The following CD5 variants were observed in gnomAD, a reference collection of about 807,000 sequenced individuals.
The protein encoded by CD5 is CD5 molecule.
Under a neutral mutation model 60.3 loss-of-function variants are expected in CD5, and 36 were observed. The observed-to-expected ratio is 0.60, with a 90% CI of 0.46 to 0.79. CD5 has a LOEUF of 0.79. Ranked by LOEUF, CD5 falls within the 30% of genes least tolerant of loss-of-function variation. CD5 has a pLI of 0.00. For synonymous variants in CD5, 230 were observed against 257.6 expected, an observed-to-expected ratio of 0.89 and a Z score of 1.03; for missense variants, 540 against 630.6, an observed-to-expected ratio of 0.86 and a Z score of 1.54.
the CD5 span, among the ~76,000 whole-genome samples, chr11:61,096,399 G>C: frequency 6.6e-6 from 1 of 152,246 alleles, no homozygotes; most frequent in Non-Finnish European, 1.5e-5. Context: ...GGGCAAGGAC[G>C]TTAAGTTTTT....
chr11:61,120,123 A>G (rs1047911078), intron 5 of CD5, among the ~76,000 whole-genome samples: 4 of 152,100 alleles, frequency 2.6e-5, no homozygotes, highest in African/African-American at 9.7e-5. Flanking sequence ...TGACAAGGTA[A>G]AGAGAATGAT....
chr11:61,104,645 G>A (rs1860752557), intron 1 of CD5, among the ~76,000 whole-genome samples: 1 of 152,248 alleles, frequency 6.6e-6, no homozygotes, highest in Non-Finnish European at 1.5e-5. Flanking sequence ...TCAGTTCCCA[G>A]TGTCTGAGTG....
chr11:61,124,836 A>G lies in CD5; in HGVS notation c.1280-196A>G, dbSNP rs556868158. Among the ~76,000 whole-genome samples, 10 of 151,970 alleles carry G rather than the reference A, an allele frequency of 6.6e-5. No individual in the cohort carries two copies. In the South Asian group the frequency reaches 2.1e-3, roughly 32 times the overall value. ...GCTGGGTTACCCAAACCTGCTCTAA[A>G]AGTCTGCTGCTGATCCTGCTAGCAT... On this transcript the variant is annotated intron_variant, in intron 8 of 10. Coordinates refer to ENST00000347785, the MANE Select transcript of CD5 (RefSeq NM_014207.4).
chr11:61,118,326 G>A lies in CD5; in HGVS notation c.246G>A (p.Gln82=). Residue 82 remains glutamine, a synonymous_variant, in exon 3 of 11, where the codon CAG becomes CAA. Coordinates refer to ENST00000347785, the MANE Select transcript of CD5 (RefSeq NM_014207.4). The surrounding 1 kb of genome is among the most constrained non-coding windows in gnomAD (Gnocchi z 4.7). ...EDPSQASKVC[Q]RLNCGVPLSL... ...CCAGTCAAGCGTCAAAAGTCTGCCA[G>A]CGGCTGAACTGTGGGGTGCCCTTAA... 1 of 1,614,262 alleles carries A rather than the reference G, an allele frequency of 6.2e-7. No homozygotes were observed.
At chr11:61,111,919 C>T (rs746996652) in intron 1 of CD5, among the ~76,000 whole-genome samples, 8 of 152,250 alleles carry the variant, frequency 5.3e-5, no homozygotes, top group Non-Finnish European at 1.2e-4. Context: ...CTCTAGAAAG[C>T]TAGTCCCATG....
At position 61,118,591 on chromosome 11, in the gene CD5, G is replaced by A. The variant is rs925462898; in HGVS notation, c.400+111G>A. ...AGCAGGCTGGTGGAAGGGGTGGGGG[G>A]ACCCCAGTTTATAACCACTCCCCAA... On this transcript the variant is annotated intron_variant, in intron 3 of 10. Transcript: ENST00000347785. This position sits in a 1 kb window ranked among gnomAD's most constrained non-coding sequence, Gnocchi z 4.7. The A allele has an allele frequency of 4.4e-6, 5 of 1,141,942 alleles. No individual in the cohort carries two copies. The highest frequency in any genetic ancestry group is 1.4e-5 in the South Asian group (1 of 69,288). 70.7% of individuals were successfully genotyped at this position (1,141,942 alleles called of 1,614,324 possible). A position where few individuals can be genotyped will look rare whatever the true frequency, so the allele number is the denominator to read the frequency against.
intron 2 of CD5, among the ~76,000 whole-genome samples, chr11:61,116,402 A>C (rs1010967460): frequency 1.4e-5 from 2 of 146,986 alleles, no homozygotes; most frequent in African/African-American, 2.5e-5. Flanking sequence ...CACAGACCCC[A>C]CACACACACC....
At chr11:61,113,514 C>G (rs76800995) in intron 1 of CD5, among the ~76,000 whole-genome samples, 1 of 152,250 alleles carries the variant, frequency 6.6e-6, no homozygotes, top group African/African-American at 2.4e-5. Flanking sequence ...GCTGGCTACA[C>G]TACTGTGGGC....
At chr11:61,115,154 A>C in intron 2 of CD5, 60 bp downstream of exon 2, 3 of 1,476,044 alleles carry the variant, frequency 2.0e-6, no homozygotes, top group Non-Finnish European at 2.8e-6. Flanking sequence ...CTGTGGTTTC[A>C]TCAGGCCATC....
rs771969765 is a variant in CD5, at chr11:61,118,898, A to T, written c.401-17A>T. 1.2e-6 allele frequency: 2 copies of T among 1,609,598 alleles called. No individual in the cohort carries two copies. The highest frequency in any genetic ancestry group is 1.7e-6 in the Non-Finnish European group (2 of 1,176,414). ...CCACACCACCCATTCCTCCCTCACC[A>T]GAGTGTCTCATTGCAGAACCCCAGA... On this transcript the variant is annotated splice_polypyrimidine_tract_variant and intron_variant, in intron 3 of 10. Transcript: ENST00000347785. The surrounding 1 kb of genome is among the most constrained non-coding windows in gnomAD (Gnocchi z 4.7).
At chr11:61,116,677 CACTA>C (rs1860963328) in intron 2 of CD5, among the ~76,000 whole-genome samples, 3 of 137,190 alleles carry the variant, frequency 2.2e-5, no homozygotes, top group South Asian at 2.5e-4. Context: ...CACACACACA[CACTA>C]CACACACCAC....
chr11:61,098,351 G>A (rs536962484), upstream of CD5, among the ~76,000 whole-genome samples: 3 of 152,340 alleles, frequency 2.0e-5, no homozygotes, highest in East Asian at 1.9e-4. Flanking sequence ...AAATGAAAGT[G>A]AGAACTCCCA....
In CD5 at chr11:61,118,926, A is replaced by G; in HGVS notation, c.412A>G (p.Thr138Ala). The G allele has an allele frequency of 6.2e-7, 1 of 1,613,800 alleles. No homozygotes were observed. The highest frequency in any genetic ancestry group is 1.1e-5 in the South Asian group (1 of 91,060). ...LGLTCLEPQK[T>A]TPPTTRPPPT... is the part of the protein sequence containing the mutation. ...GTGTCTCATTGCAGAACCCCAGAAG[A>G]CAACACCTCCAACGACAAGGCCCCC... is the stretch of plus-strand genomic sequence containing the variant. Residue 138 changes from threonine to alanine, a missense_variant, in exon 4 of 11, where the codon ACA (threonine) becomes GCA (alanine). Thr to Ala is a moderately conservative substitution (Grantham distance 58, BLOSUM62 0). Transcript: ENST00000347785. This position sits in a 1 kb window ranked among gnomAD's most constrained non-coding sequence, Gnocchi z 4.7.
intron 8 of CD5, among the ~76,000 whole-genome samples, chr11:61,124,554 T>C (rs1861118244): frequency 6.6e-6 from 1 of 151,830 alleles, no homozygotes; most frequent in African/African-American, 2.4e-5. Context: ...AGAGACACCC[T>C]AATGGATGGA....
chr11:61,119,932 A>C (rs1450164568), intron 5 of CD5, among the ~76,000 whole-genome samples: 1 of 152,174 alleles, frequency 6.6e-6, no homozygotes, highest in Non-Finnish European at 1.5e-5. Context: ...CTTGTGCCAA[A>C]GATGGGGCAC....
At chr11:61,100,433 T>TTCACACACATCAACATGGAGATCA (rs1565180995), upstream of CD5, among the ~76,000 whole-genome samples, 25 of 123,568 alleles carry the variant, frequency 2.0e-4, no homozygotes, top group African/African-American at 6.4e-4. Flanking sequence ...AACATGGAGA[T>TTCACACACATCAACATGGAGATCA]CACACACACA....
At position 61,113,222 on chromosome 11, in the gene CD5, G is replaced by A. The variant is rs1054376297; in HGVS notation, c.56-1834G>A. 1.1e-4 allele frequency among the ~76,000 whole-genome samples: 17 copies of A among 152,206 alleles called. 1 individual carries two copies. Among genetic ancestry groups the A allele is most frequent in the Admixed American group, 7.9e-4 (12 of 15,282 alleles). On this transcript the variant is annotated intron_variant, in intron 1 of 10. Transcript: ENST00000347785. ...TCGGACAGATGGAAATCAAAATACC[G>A]TACTTGCACCTAACTGATCACGCTA...
rs60054433 is a variant in CD5 at position 61,108,744 on chromosome 11, G to A, written c.55+6129G>A. ...ACTGTTAGAAGGAATCACTGTTTAC[G>A]GGAAAAAGGGAACACCTGACTTGCA... On this transcript the variant is annotated intron_variant, in intron 1 of 10. Transcript: ENST00000347785. Among the ~76,000 whole-genome samples the A allele has an allele frequency of 3.3e-5, 5 of 152,090 alleles. No homozygotes were observed. In the East Asian group the frequency reaches 5.8e-4, roughly 18 times the overall value.
chr11:61,106,321 A>T (rs1276024742), intron 1 of CD5, among the ~76,000 whole-genome samples: 1 of 152,036 alleles, frequency 6.6e-6, no homozygotes, highest in Non-Finnish European at 1.5e-5. Flanking sequence ...TGAATGAGGG[A>T]CGGAGCCAGC....
Sources: allele counts gnomAD v4.1 joint callset (sites outside exome capture counted in the v4.1 genomes callset), GRCh38; gene constraint gnomAD v4.1.1; non-coding constraint Gnocchi (gnomAD v3.1); transcripts MANE v1.5; gene names NCBI Gene and HGNC (gene_info 2026-07-23, HGNC 2026-07-21).